The following PPP1R12A variants were observed in gnomAD, a reference collection of about 807,000 sequenced individuals.
The protein encoded by PPP1R12A is protein phosphatase 1 regulatory subunit 12A.
In PPP1R12A, 19 loss-of-function variants were observed where a neutral mutation model predicts 139.6. That is an observed-to-expected ratio of 0.14 (90% CI 0.09 to 0.20). The LOEUF is 0.20. PPP1R12A is among the 10% of genes least tolerant of loss of function. The pLI, the probability that PPP1R12A is intolerant of heterozygous loss-of-function variation, is 1.00. For missense variants in PPP1R12A, 925 were observed against 1,211.5 expected (o/e 0.76, Z 3.51); for synonymous variants, 427 against 420.6 (o/e 1.02, Z -0.19).
chr12:79,785,679 G>A (rs1186533705), intron 22 of PPP1R12A, among the ~76,000 whole-genome samples: 1 of 152,130 alleles, frequency 6.6e-6, no homozygotes, highest in Non-Finnish European at 1.5e-5. Flanking sequence ...CATATAAATA[G>A]ACCCTGTAAA....
intron 5 of PPP1R12A, chr12:79,825,236 A>G (rs1015007963): frequency 1.3e-5 from 2 of 152,172 alleles, no homozygotes; most frequent in Admixed American, 1.3e-4. Flanking sequence ...TTAATAGCAG[A>G]AATAGCTTTG....
At chr12:79,801,345 CAAA>C (rs201977462) in intron 14 of PPP1R12A, among the ~76,000 whole-genome samples, 10 of 20,150 alleles carry the variant, frequency 5.0e-4, no homozygotes, top group African/African-American at 7.7e-4. Flanking sequence ...AACTCTGTCT[CAAA>C]AAAAAAAAAA....
chr12:79,876,920 A>G (rs1399711942), intron 1 of PPP1R12A, among the ~76,000 whole-genome samples: 1 of 152,104 alleles, frequency 6.6e-6, no homozygotes, highest in East Asian at 1.9e-4. Flanking sequence ...CTGAGACAGG[A>G]GAACCGCTTG....
upstream of PPP1R12A, chr12:79,935,126 C>G: frequency 7.3e-7 from 1 of 1,368,680 alleles, no homozygotes. Context: ...GAGCGGACCT[C>G]CCTTCCTACC....
chr12:79,892,632 C>T (rs1884760520), intron 1 of PPP1R12A, among the ~76,000 whole-genome samples: 1 of 152,104 alleles, frequency 6.6e-6, no homozygotes, highest in Non-Finnish European at 1.5e-5. Context: ...CAAAGCATAT[C>T]ACTATCCTGT....
intron 4 of PPP1R12A, 151 bp downstream of exon 4, chr12:79,832,181 C>T (rs1877511401): frequency 6.5e-6 from 4 of 612,664 alleles, no homozygotes; most frequent in Non-Finnish European, 1.0e-5. Context: ...CAATCATATT[C>T]AAAGTAGTTT....
chr12:79,890,905 C>CCCA (rs1555235834), intron 1 of PPP1R12A, among the ~76,000 whole-genome samples: 110 of 115,716 alleles, frequency 9.5e-4, no homozygotes, highest in African/African-American at 3.9e-3. Flanking sequence ...CCACACCCAC[C>CCCA]CACACACACA....
chr12:79,924,773 CTA>C (rs749868598), intron 1 of PPP1R12A, among the ~76,000 whole-genome samples: 55 of 152,236 alleles, frequency 3.6e-4, no homozygotes, highest in Non-Finnish European at 6.8e-4. Flanking sequence ...ACAAAAAAGA[CTA>C]TGTTCACAAA....
At chr12:79,920,208 GC>G (rs760121676) in intron 1 of PPP1R12A, among the ~76,000 whole-genome samples, 41 of 151,908 alleles carry the variant, frequency 2.7e-4, no homozygotes, top group Non-Finnish European at 5.4e-4. Context: ...TCCCCTTTTT[GC>G]TACTGAATAA....
At chr12:79,898,517 C>T (rs1166066555) in intron 1 of PPP1R12A, among the ~76,000 whole-genome samples, 2 of 152,106 alleles carry the variant, frequency 1.3e-5, no homozygotes, top group Admixed American at 6.5e-5. Flanking sequence ...AAATGGTCAA[C>T]GGCTATTATC....
chr12:79,906,261 G>A (rs1592807741), intron 1 of PPP1R12A, among the ~76,000 whole-genome samples: 2 of 151,230 alleles, frequency 1.3e-5, no homozygotes, highest in African/African-American at 4.9e-5. Flanking sequence ...TATGATAAGT[G>A]GGATTAAAAA....
chr12:79,832,039 C>T (rs936594783), intron 4 of PPP1R12A, among the ~76,000 whole-genome samples: 16 of 152,124 alleles, frequency 1.1e-4, no homozygotes, highest in African/African-American at 3.9e-4. Context: ...CAAAATGACT[C>T]TCTGTAGTGA....
At chr12:79,929,325 G>A (rs1166759789) in intron 1 of PPP1R12A, among the ~76,000 whole-genome samples, 1 of 152,180 alleles carries the variant, frequency 6.6e-6, no homozygotes, top group Non-Finnish European at 1.5e-5. Context: ...CCACGGCCCA[G>A]CGTTTGTGAA....
chr12:79,898,009 A>G (rs558786246), intron 1 of PPP1R12A, among the ~76,000 whole-genome samples: 1 of 152,346 alleles, frequency 6.6e-6, no homozygotes, highest in African/African-American at 2.4e-5. Flanking sequence ...CACTAAACTC[A>G]GTGTAATACT....
At chr12:79,791,669 C>T (rs746605326) in intron 19 of PPP1R12A, among the ~76,000 whole-genome samples, 7 of 152,086 alleles carry the variant, frequency 4.6e-5, no homozygotes, top group South Asian at 2.1e-4. Flanking sequence ...GTAAAAACCA[C>T]GTAATATAAA....
chr12:79,875,549 T>C (rs1883017406), intron 1 of PPP1R12A, among the ~76,000 whole-genome samples: 1 of 152,232 alleles, frequency 6.6e-6, no homozygotes, highest in Admixed American at 6.5e-5. Context: ...TAGGAGTATG[T>C]GGGCTGATGA....
chr12:79,796,198 T>C (rs1872492529), intron 17 of PPP1R12A, among the ~76,000 whole-genome samples: 1 of 152,140 alleles, frequency 6.6e-6, no homozygotes, highest in Admixed American at 6.6e-5. Context: ...CTTTAAAATA[T>C]GAAATGCCTA....
chr12:79,786,518 TCTC>T lies in PPP1R12A; in HGVS notation c.2803-43_2803-41del, dbSNP rs369907210. 1.6e-4 allele frequency: 209 copies of T among 1,286,784 alleles called. 3 individuals carry two copies. In the African/African-American group the frequency reaches 2.7e-3, roughly 17 times the overall value. 79.7% of individuals were successfully genotyped at this position (1,286,784 alleles called of 1,614,324 possible). A position where few individuals can be genotyped will look rare whatever the true frequency, so the allele number is the denominator to read the frequency against. On this transcript the variant is annotated intron_variant, in intron 21 of 24. Transcript: ENST00000450142. ...GTAAAAGAACAAATTACTTTTCTGC[TCTC>T]CTATTACTTTAAAATTTCTCATTGA...
chr12:79,928,830 C>A (rs545447180), intron 1 of PPP1R12A, among the ~76,000 whole-genome samples: 1 of 152,276 alleles, frequency 6.6e-6, no homozygotes, highest in Admixed American at 6.5e-5. Context: ...ACATATTTTA[C>A]AAAGATGCTT....
Sources: gnomAD v4.1 joint callset for allele counts (sites outside exome capture counted in the v4.1 genomes callset) on GRCh38, gnomAD v4.1.1 for gene constraint, MANE v1.5 for transcripts, NCBI Gene and HGNC (gene_info 2026-07-23, HGNC 2026-07-21) for gene names.